Variants in ASXL2 observed in about 807,000 individuals in gnomAD.
ASXL2 encodes putative Polycomb group protein ASXL2.
Under a neutral mutation model 122.0 loss-of-function variants are expected in ASXL2, and 23 were observed. The observed-to-expected ratio is 0.19, with a 90% CI of 0.14 to 0.27. ASXL2 has a LOEUF of 0.27. Ranked by LOEUF, ASXL2 falls within the 10% of genes least tolerant of loss-of-function variation. The pLI, the probability that ASXL2 is intolerant of heterozygous loss-of-function variation, is 1.00. For synonymous variants in ASXL2, 650 were observed against 637.0 expected (o/e 1.02, Z -0.31); for missense variants, 1,518 against 1,713.8 (o/e 0.89, Z 2.02).
chr2:25,843,099 G>A (rs1261252655), intron 2 of ASXL2, among the ~76,000 whole-genome samples: 1 of 151,578 alleles, frequency 6.6e-6, no homozygotes, highest in African/African-American at 2.4e-5. Flanking sequence ...AGGAGATCAA[G>A]ACCATCTTGG....
chr2:25,831,754 G>C (rs903375844), intron 3 of ASXL2, among the ~76,000 whole-genome samples: 3 of 152,074 alleles, frequency 2.0e-5, no homozygotes, highest in African/African-American at 7.2e-5. Flanking sequence ...GAAACTCAGT[G>C]AATCTAAATA....
chr2:25,764,274 A>G (rs1405857802), intron 8 of ASXL2, among the ~76,000 whole-genome samples: 1 of 152,174 alleles, frequency 6.6e-6, no homozygotes, highest in Non-Finnish European at 1.5e-5. Context: ...ATTACCACCT[A>G]CAAATTCATC....
rs1487697186 is a variant in ASXL2, at chr2:25,768,725, C to T, written c.631+17G>A. 6.2e-6 allele frequency: 10 copies of T among 1,600,868 alleles called. No individual in the cohort carries two copies. Among genetic ancestry groups the T allele is most frequent in the Non-Finnish European group, 8.5e-6 (10 of 1,175,516 alleles). ...GGAAAAAGAAACTTCCATTGAAAAACTGCCCAAACTGCCTACCAGGTTTGG... is the reference window on the plus strand; with the variant it reads ...GGAAAAAGAAACTTCCATTGAAAAATTGCCCAAACTGCCTACCAGGTTTGG... On this transcript the variant is annotated intron_variant, in intron 7 of 12. Coordinates refer to ENST00000435504, the MANE Select transcript of ASXL2 (RefSeq NM_018263.6).
intron 5 of ASXL2, 127 bp downstream of exon 5, chr2:25,799,258 G>C (rs1023146392): frequency 2.3e-6 from 3 of 1,291,756 alleles, no homozygotes; most frequent in Non-Finnish European, 3.3e-6. Flanking sequence ...AACTCTCCTT[G>C]ACAGGACTGT....
intron 2 of ASXL2, among the ~76,000 whole-genome samples, chr2:25,839,522 C>G (rs973955293): frequency 2.6e-5 from 4 of 151,876 alleles, no homozygotes; most frequent in Non-Finnish European, 4.4e-5. Context: ...AGTTCTTAAC[C>G]TCTCCTGGCC....
chr2:25,802,242 A>G (rs1402846525), intron 4 of ASXL2, among the ~76,000 whole-genome samples: 1 of 152,176 alleles, frequency 6.6e-6, no homozygotes, highest in Non-Finnish European at 1.5e-5. Flanking sequence ...TCTCTATATT[A>G]TCACATTTTT....
intron 1 of ASXL2, among the ~76,000 whole-genome samples, chr2:25,850,407 T>C (rs997915063): frequency 6.6e-6 from 1 of 152,244 alleles, no homozygotes; most frequent in Non-Finnish European, 1.5e-5. Context: ...AAAAAACTAG[T>C]AAACTGTATT....
intron 3 of ASXL2, among the ~76,000 whole-genome samples, chr2:25,808,021 A>ACACT (rs766637532): frequency 4.7e-5 from 7 of 148,516 alleles, no homozygotes; most frequent in African/African-American, 1.5e-4. Flanking sequence ...ACACACACAC[A>ACACT]CTCTCCACCC....
chr2:25,754,186 G>A (rs1251731738), intron 10 of ASXL2, among the ~76,000 whole-genome samples: 1 of 151,794 alleles, frequency 6.6e-6, no homozygotes, highest in Non-Finnish European at 1.5e-5. Context: ...ATTGTACCAG[G>A]CTAATGCTCT....
chr2:25,753,399 C>CAAAA (rs568924441), intron 11 of ASXL2, 135 bp downstream of exon 11: 16 of 442,902 alleles, frequency 3.6e-5, no homozygotes, highest in African/African-American at 3.0e-4. Context: ...ATCAGTGAGA[C>CAAAA]AAAAAAAAAA....
chr2:25,861,543 AC>A (rs1035561318), intron 1 of ASXL2, among the ~76,000 whole-genome samples: 23 of 152,368 alleles, frequency 1.5e-4, no homozygotes, highest in African/African-American at 5.3e-4. Context: ...TACTTAAAGA[AC>A]TATATCAATT....
chr2:25,747,153 T>C (rs544784628), intron 12 of ASXL2, among the ~76,000 whole-genome samples: 25 of 152,348 alleles, frequency 1.6e-4, no homozygotes, highest in African/African-American at 5.5e-4. Context: ...AGGTGGTTGG[T>C]TGAAAATACT....
intron 1 of ASXL2, among the ~76,000 whole-genome samples, chr2:25,866,019 A>G (rs2089899972): frequency 6.6e-6 from 1 of 152,044 alleles, no homozygotes; most frequent in Non-Finnish European, 1.5e-5. Context: ...CAAACGCATC[A>G]TTTCCCTATT....
In ASXL2 at chr2:25,836,444, T is replaced by A. The variant is rs563082095; in HGVS notation, c.141-904A>T. On this transcript the variant is annotated intron_variant, in intron 2 of 12. Coordinates refer to ENST00000435504, the MANE Select transcript of ASXL2 (RefSeq NM_018263.6). ...TGAAAAGTAGTAGAGAATATTGACT[T>A]TATTTCCCTTGCTATATACACTTTT... is the stretch of plus-strand genomic sequence containing the variant. Among the ~76,000 whole-genome samples the A allele has an allele frequency of 2.9e-4, 44 of 152,312 alleles. No individual in the cohort carries two copies. In the South Asian group the frequency reaches 8.9e-3, roughly 31 times the overall value.
intron 3 of ASXL2, among the ~76,000 whole-genome samples, chr2:25,824,714 A>T (rs766884285): frequency 6.6e-6 from 1 of 152,190 alleles, no homozygotes; most frequent in Non-Finnish European, 1.5e-5. Context: ...CTTGTAGCAA[A>T]ATTATGATTC....
chr2:25,738,350 G>A lies in ASXL2; in HGVS notation c.*3679C>T, dbSNP rs1369453278. The A allele has an allele frequency of 6.6e-6, 1 of 152,062 alleles. No individual in the cohort carries two copies. The highest frequency in any genetic ancestry group is 1.5e-5 in the Non-Finnish European group (1 of 68,028). 9.4% of individuals were successfully genotyped at this position (152,062 alleles called of 1,614,324 possible). A position where few individuals can be genotyped will look rare whatever the true frequency, so the allele number is the denominator to read the frequency against. On this transcript the variant is annotated 3_prime_UTR_variant, in exon 13 of 13. Transcript: ENST00000435504. Reference sequence around the variant, plus strand: ...CTGTTCTCTTTCAATAGGTTTGTAGGTATTGAAACATGGTAGGAAAGGCCC... The same window carrying A: ...CTGTTCTCTTTCAATAGGTTTGTAGATATTGAAACATGGTAGGAAAGGCCC...
intron 1 of ASXL2, among the ~76,000 whole-genome samples, chr2:25,869,543 C>G (rs184272417): frequency 6.6e-6 from 1 of 152,050 alleles, no homozygotes; most frequent in African/African-American, 2.4e-5. Flanking sequence ...ATTTCACAGC[C>G]GGGTGCAGTG....
intron 8 of ASXL2, among the ~76,000 whole-genome samples, chr2:25,766,862 G>A (rs1227687633): frequency 6.6e-6 from 1 of 152,086 alleles, no homozygotes; most frequent in African/African-American, 2.4e-5. Flanking sequence ...GCTGGGGTAA[G>A]GCATCAAACT....
At chr2:25,822,033 A>C (rs1559520909) in intron 3 of ASXL2, among the ~76,000 whole-genome samples, 1 of 152,210 alleles carries the variant, frequency 6.6e-6, no homozygotes, top group Non-Finnish European at 1.5e-5. Flanking sequence ...AATGGACTGA[A>C]TCTCACTGGC....
Sources: gnomAD v4.1 joint callset for allele counts (sites outside exome capture counted in the v4.1 genomes callset) on GRCh38, gnomAD v4.1.1 for gene constraint, MANE v1.5 for transcripts, NCBI Gene and HGNC (gene_info 2026-07-23, HGNC 2026-07-21) for gene names.